Variants in KCNIP4 observed in about 807,000 individuals in gnomAD.
The protein encoded by KCNIP4 is Kv channel-interacting protein 4.
In KCNIP4, 12 loss-of-function variants were observed where a neutral mutation model predicts 34.0. The ratio of observed to expected loss-of-function variants is 0.35; its 90% CI spans 0.23 to 0.57. The LOEUF is 0.57. Ranked by LOEUF, KCNIP4 falls within the 20% of genes least tolerant of loss-of-function variation. KCNIP4 has a pLI of 0.83. For missense variants in KCNIP4, 238 were observed against 311.7 expected (o/e 0.76, Z 1.78); for synonymous variants, 124 against 102.2 (o/e 1.21, Z -1.29).
intron 1 of KCNIP4, among the ~76,000 whole-genome samples, chr4:20,908,971 T>C (rs966233818): frequency 1.1e-4 from 17 of 152,202 alleles, no homozygotes; most frequent in African/African-American, 4.1e-4. Flanking sequence ...CAGTAAACTG[T>C]GACAATTGGC....
intron 1 of KCNIP4, among the ~76,000 whole-genome samples, chr4:21,555,062 A>G (rs1738893188): frequency 6.6e-5 from 10 of 152,142 alleles, no homozygotes. Context: ...CCATCTAAAC[A>G]TTTTTTAACA....
intron 1 of KCNIP4, among the ~76,000 whole-genome samples, chr4:21,584,104 C>T (rs1002156792): frequency 1.3e-5 from 2 of 151,962 alleles, no homozygotes; most frequent in African/African-American, 2.4e-5. Flanking sequence ...TAGCTACAAC[C>T]AAACCTTTGA....
intron 1 of KCNIP4, among the ~76,000 whole-genome samples, chr4:20,978,114 G>A (rs888634978): frequency 6.6e-6 from 1 of 152,166 alleles, no homozygotes; most frequent in Non-Finnish European, 1.5e-5. Flanking sequence ...TATAAGCGGG[G>A]ACTCTGCAAC....
chr4:21,396,094 AGAGTCTCC>A (rs1722968828), intron 1 of KCNIP4, among the ~76,000 whole-genome samples: 1 of 151,116 alleles, frequency 6.6e-6, no homozygotes, highest in Non-Finnish European at 1.5e-5. Flanking sequence ...AAGACTATGT[AGAGTCTCC>A]TATATATAGT....
At chr4:21,883,158 T>TG (rs1491218537) in intron 1 of KCNIP4, among the ~76,000 whole-genome samples, 1 of 123,706 alleles carries the variant, frequency 8.1e-6, no homozygotes, top group Non-Finnish European at 1.7e-5. Context: ...TCTGAGTTGT[T>TG]GTTTTTTTTT....
At chr4:21,158,627 A>C (rs932331284) in intron 1 of KCNIP4, among the ~76,000 whole-genome samples, 6 of 152,180 alleles carry the variant, frequency 3.9e-5, no homozygotes, top group African/African-American at 1.4e-4. Flanking sequence ...ATCAAGAACA[A>C]AAGGAAACTT....
At chr4:21,261,484 C>T (rs1378071712) in intron 1 of KCNIP4, among the ~76,000 whole-genome samples, 5 of 152,130 alleles carry the variant, frequency 3.3e-5, no homozygotes, top group Non-Finnish European at 1.5e-5. Context: ...CAATTACACT[C>T]CTGTGTCATG....
chr4:21,128,820 T>C (rs1029675661), intron 1 of KCNIP4, among the ~76,000 whole-genome samples: 1 of 152,218 alleles, frequency 6.6e-6, no homozygotes, highest in Non-Finnish European at 1.5e-5. Context: ...TAATATTCCA[T>C]TTAGATAAGT....
chr4:20,943,866 T>C (rs1731910440), intron 1 of KCNIP4, among the ~76,000 whole-genome samples: 1 of 152,122 alleles, frequency 6.6e-6, no homozygotes, highest in Admixed American at 6.5e-5. Flanking sequence ...TGATTTGTAG[T>C]CCAATCTAGA....
intron 1 of KCNIP4, among the ~76,000 whole-genome samples, chr4:21,580,532 T>G (rs1351906604): frequency 6.6e-6 from 1 of 152,126 alleles, no homozygotes; most frequent in East Asian, 1.9e-4. Context: ...CCGAATATTG[T>G]TGCATCAAAA....
intron 1 of KCNIP4, among the ~76,000 whole-genome samples, chr4:21,044,117 C>A (rs1181573986): frequency 6.6e-6 from 1 of 152,010 alleles, no homozygotes; most frequent in Non-Finnish European, 1.5e-5. Context: ...GAAGAGAAGC[C>A]CTAGCAGCTC....
rs565053462 is a variant in KCNIP4, at chr4:21,806,706, C to A, written c.61+141865G>T. On this transcript the variant is annotated intron_variant, in intron 1 of 8. Transcript: ENST00000382152. ...TAATTATTTTTTTAAAAAAACAAAT[C>A]AGAAGTTGAAAGGGAAAACATATGA... Among the ~76,000 whole-genome samples the A allele has an allele frequency of 1.1e-4, 16 of 151,986 alleles. No individual in the cohort carries two copies. The East Asian group carries it at 1.7e-3, about 17-fold the overall frequency.
At chr4:21,109,005 C>G (rs981649676) in intron 1 of KCNIP4, among the ~76,000 whole-genome samples, 92 of 152,252 alleles carry the variant, frequency 6.0e-4, no homozygotes, top group Non-Finnish European at 1.2e-3. Flanking sequence ...TCAGTCTGCC[C>G]CTACTGGGGG....
At chr4:21,832,080 C>A (rs1292260949) in intron 1 of KCNIP4, among the ~76,000 whole-genome samples, 3 of 152,110 alleles carry the variant, frequency 2.0e-5, no homozygotes, top group Non-Finnish European at 1.5e-5. Context: ...GCAACAATGG[C>A]TCAACATACA....
intron 1 of KCNIP4, among the ~76,000 whole-genome samples, chr4:21,646,452 A>C (rs1747030090): frequency 6.6e-6 from 1 of 152,218 alleles, no homozygotes; most frequent in South Asian, 2.1e-4. Context: ...CACATAGTGT[A>C]TTTCTGTCCA....
chr4:20,984,033 A>G (rs1560621922), intron 1 of KCNIP4: 3 of 1,482,780 alleles, frequency 2.0e-6, no homozygotes, highest in Non-Finnish European at 8.9e-7. Context: ...GCAAGGGGAA[A>G]AAGTGAGCAG....
At chr4:21,085,085 C>T (rs1215259990) in intron 1 of KCNIP4, among the ~76,000 whole-genome samples, 11 of 152,002 alleles carry the variant, frequency 7.2e-5, no homozygotes, top group Non-Finnish European at 1.6e-4. Flanking sequence ...TTGTGCCCCA[C>T]CCCCAAATTA....
At chr4:21,624,940 T>C (rs1362100843) in intron 1 of KCNIP4, among the ~76,000 whole-genome samples, 1 of 152,116 alleles carries the variant, frequency 6.6e-6, no homozygotes, top group East Asian at 1.9e-4. Flanking sequence ...TTACCTAATT[T>C]TGTGACAAAG....
At chr4:20,941,641 A>G (rs949331545) in intron 1 of KCNIP4, among the ~76,000 whole-genome samples, 3 of 152,256 alleles carry the variant, frequency 2.0e-5, no homozygotes, top group Non-Finnish European at 2.9e-5. Flanking sequence ...TAGACATCCA[A>G]TGAAATGCCA....
Sources: allele counts gnomAD v4.1 joint callset (sites outside exome capture counted in the v4.1 genomes callset), GRCh38; gene constraint gnomAD v4.1.1; transcripts MANE v1.5; gene names NCBI Gene and HGNC (gene_info 2026-07-23, HGNC 2026-07-21).